Variants in CUX1 observed in about 807,000 individuals in gnomAD.
CUX1 encodes the protein protein CASP.
A neutral mutation model predicts 158.8 loss-of-function variants in CUX1; 31 were observed. The observed-to-expected ratio is 0.20, with a 90% confidence interval of 0.15 to 0.26. CUX1 has a LOEUF of 0.26. Among genes scored for constraint, CUX1 ranks in the 10% least tolerant of loss-of-function variants. CUX1 has a pLI of 1.00. For synonymous variants in CUX1, 879 were observed against 862.1 expected, an observed-to-expected ratio of 1.02 and a Z score of -0.34; for missense variants, 1,589 against 2,014.6, an observed-to-expected ratio of 0.79 and a Z score of 4.04.
chr7:102,001,703 C>G lies in CUX1; in HGVS notation c.142-26395C>G, dbSNP rs1019873347. ...TTGCACTTATTCTTTTGCAAAATTT[C>G]AGCACCTGGTGGTCAGGATGTTCCT... On this transcript the variant is annotated intron_variant, in intron 2 of 23. Coordinates refer to ENST00000292535, the MANE Select transcript of CUX1 (RefSeq NM_181552.4). 7.9e-5 allele frequency among the ~76,000 whole-genome samples: 12 copies of G among 152,294 alleles called. No homozygotes were observed. The South Asian group carries it at 1.9e-3, about 24-fold the overall frequency.
intron 2 of CUX1, among the ~76,000 whole-genome samples, chr7:101,981,652 G>A (rs1159402648): frequency 6.6e-6 from 1 of 151,022 alleles, no homozygotes; most frequent in African/African-American, 2.4e-5. Context: ...TCGCTCTGTC[G>A]CCCAGGCTGG....
intron 1 of CUX1, among the ~76,000 whole-genome samples, chr7:101,895,563 A>G (rs540206048): frequency 1.6e-4 from 25 of 152,284 alleles, no homozygotes; most frequent in African/African-American, 6.0e-4. Context: ...GATGTCAGTA[A>G]GCTTTGCCGG....
chr7:102,095,003 T>C (rs1456488714), intron 4 of CUX1, among the ~76,000 whole-genome samples: 1 of 135,300 alleles, frequency 7.4e-6, no homozygotes, highest in African/African-American at 2.6e-5. Flanking sequence ...CAAGATAGCA[T>C]TTTTTTTTTT....
intron 2 of CUX1, among the ~76,000 whole-genome samples, chr7:101,945,462 T>G (rs1808250859): frequency 6.6e-6 from 1 of 152,260 alleles, no homozygotes; most frequent in South Asian, 2.1e-4. Context: ...TATTGTTATT[T>G]ACAGTTGCAC....
intron 20 of CUX1, among the ~76,000 whole-genome samples, chr7:102,224,017 C>T (rs935990450): frequency 2.0e-5 from 3 of 152,164 alleles, no homozygotes; most frequent in Admixed American, 6.5e-5. Flanking sequence ...GTTCTGAGCT[C>T]GTGGATTCAC....
At chr7:101,938,484 A>G (rs1049261145) in intron 2 of CUX1, among the ~76,000 whole-genome samples, 2 of 152,230 alleles carry the variant, frequency 1.3e-5, no homozygotes, top group African/African-American at 4.8e-5. Context: ...GGTGTCAATC[A>G]GTTCTTCACT....
chr7:102,169,891 C>G (rs1456434171), intron 9 of CUX1, among the ~76,000 whole-genome samples: 1 of 152,232 alleles, frequency 6.6e-6, no homozygotes, highest in South Asian at 2.1e-4. Flanking sequence ...ATTCAAAACA[C>G]TTTGTCCAGT....
intron 10 of CUX1, among the ~76,000 whole-genome samples, chr7:102,172,941 G>C (rs571162652): frequency 1.3e-5 from 2 of 152,056 alleles, no homozygotes; most frequent in South Asian, 4.2e-4. Context: ...TGTGCCTGTA[G>C]TCCCAGCTAC....
chr7:102,009,397 G>T (rs1167906645), intron 2 of CUX1, among the ~76,000 whole-genome samples: 2 of 152,220 alleles, frequency 1.3e-5, no homozygotes, highest in Non-Finnish European at 2.9e-5. Context: ...GAAAGGCTGC[G>T]TGGGGCTGCA....
chr7:102,066,429 A>T (rs1287384429), intron 3 of CUX1, among the ~76,000 whole-genome samples: 1 of 152,102 alleles, frequency 6.6e-6, no homozygotes, highest in Non-Finnish European at 1.5e-5. Flanking sequence ...CAAGAGACAC[A>T]ATTCAACCCA....
At chr7:102,141,236 G>A (rs1834420071) in intron 8 of CUX1, among the ~76,000 whole-genome samples, 1 of 152,152 alleles carries the variant, frequency 6.6e-6, no homozygotes, top group Non-Finnish European at 1.5e-5. Context: ...GAAGAGGAAG[G>A]ATGCTGTCTT....
intron 2 of CUX1, among the ~76,000 whole-genome samples, chr7:101,988,484 A>G (rs989263948): frequency 2.0e-5 from 3 of 151,968 alleles, no homozygotes; most frequent in Non-Finnish European, 4.4e-5. Flanking sequence ...CCTGCCACAG[A>G]TCTGTGTCCC....
exon 23 of CUX1, chr7:102,283,212 C>A: frequency 1.2e-6 from 1 of 817,010 alleles, no homozygotes; most frequent in African/African-American, 1.7e-5. Context: ...CGCTGTCCAG[C>A]AGCTGCCAGA....
chr7:101,943,022 C>T (rs866081105), intron 2 of CUX1, among the ~76,000 whole-genome samples: 3 of 150,022 alleles, frequency 2.0e-5, no homozygotes, highest in African/African-American at 4.9e-5. Flanking sequence ...TGTGGCTTAG[C>T]GCCATGCACA....
Position 102,006,017 on chromosome 7 carries a change from C to T in CUX1, c.142-22081C>T, listed in dbSNP as rs555379082. Among the ~76,000 whole-genome samples, 213 of 152,284 alleles carry T rather than the reference C, an allele frequency of 1.4e-3. 1 individual carries two copies. Among genetic ancestry groups the T allele is most frequent in the Non-Finnish European group, 2.5e-3 (172 of 68,020 alleles). On this transcript the variant is annotated intron_variant, in intron 2 of 23. Transcript: ENST00000292535. ...GTTTTGGAAGCCGATGGAAGATGCG[C>T]TTGGAAGGCTAAGGCTGCCGAGGTT...
At chr7:101,948,892 G>T (rs1399748284) in intron 2 of CUX1, among the ~76,000 whole-genome samples, 2 of 152,210 alleles carry the variant, frequency 1.3e-5, no homozygotes, top group Non-Finnish European at 2.9e-5. Flanking sequence ...AGGCCACTGT[G>T]CCCCTGCAAG....
At chr7:101,950,742 G>A (rs1309453374) in intron 2 of CUX1, among the ~76,000 whole-genome samples, 1 of 151,988 alleles carries the variant, frequency 6.6e-6, no homozygotes, top group Admixed American at 6.5e-5. Flanking sequence ...ATAGAGATGA[G>A]GTCTCACTAC....
intron 2 of CUX1, among the ~76,000 whole-genome samples, chr7:101,968,849 C>G (rs1327605751): frequency 6.6e-6 from 1 of 152,104 alleles, no homozygotes; most frequent in Non-Finnish European, 1.5e-5. Context: ...CCCGGCTCAG[C>G]AGCTGATCAG....
chr7:102,017,186 C>G (rs1818707567), intron 2 of CUX1, among the ~76,000 whole-genome samples: 1 of 120,686 alleles, frequency 8.3e-6, no homozygotes, highest in Admixed American at 8.2e-5. Context: ...CGCCTATACT[C>G]CCAGCTACTC....
Sources: gnomAD v4.1 joint callset for allele counts (sites outside exome capture counted in the v4.1 genomes callset) on GRCh38, gnomAD v4.1.1 for gene constraint, MANE v1.5 for transcripts, NCBI Gene and HGNC (gene_info 2026-07-23, HGNC 2026-07-21) for gene names.